Variants in CFAP54 observed in about 807,000 individuals in gnomAD.
The protein encoded by CFAP54 is cilia- and flagella-associated protein 54.
CFAP54 carries 290 observed loss-of-function variants against 370.4 expected under a neutral mutation model. The ratio of observed to expected loss-of-function variants is 0.78; its 90% CI spans 0.71 to 0.86. CFAP54 has a LOEUF of 0.86. Ranked by LOEUF, CFAP54 falls within the 40% of genes least tolerant of loss-of-function variation. The pLI, the probability that CFAP54 is intolerant of heterozygous loss-of-function variation, is 0.00. For missense variants in CFAP54, 3,399 were observed against 3,528.7 expected (o/e 0.96, Z 0.93); for synonymous variants, 1,206 against 1,236.5 (o/e 0.98, Z 0.52).
chr12:96,759,947 C>T (rs1181985965), intron 58 of CFAP54, among the ~76,000 whole-genome samples: 1 of 152,130 alleles, frequency 6.6e-6, no homozygotes, highest in African/African-American at 2.4e-5. Context: ...TAATTGATGC[C>T]TGTTGACATC....
At chr12:96,647,344 G>A (rs1485604895) in intron 33 of CFAP54, among the ~76,000 whole-genome samples, 1 of 150,906 alleles carries the variant, frequency 6.6e-6, no homozygotes, top group East Asian at 1.9e-4. Flanking sequence ...GTGGTGGTGG[G>A]CGCCTGTAGT....
At chr12:96,571,177 C>T (rs1490886365) in intron 19 of CFAP54, among the ~76,000 whole-genome samples, 1 of 152,174 alleles carries the variant, frequency 6.6e-6, no homozygotes, top group Non-Finnish European at 1.5e-5. Flanking sequence ...GGGCATCAAG[C>T]CTGTGTCAAA....
At chr12:96,734,069 T>G (rs1957954305) in intron 50 of CFAP54, among the ~76,000 whole-genome samples, 1 of 152,226 alleles carries the variant, frequency 6.6e-6, no homozygotes, top group Non-Finnish European at 1.5e-5. Flanking sequence ...GTTGTTATTT[T>G]CTTGGTTAGT....
chr12:96,687,525 G>T (rs1769518787), intron 42 of CFAP54, among the ~76,000 whole-genome samples: 1 of 152,158 alleles, frequency 6.6e-6, no homozygotes, highest in South Asian at 2.1e-4. Context: ...ACCTGTCGGA[G>T]GTGGTGAGCA....
intron 2 of CFAP54, 78 bp from the exon 3 acceptor site, chr12:96,503,808 G>C: frequency 8.3e-7 from 1 of 1,204,234 alleles, no homozygotes; most frequent in Non-Finnish European, 1.1e-6. Context: ...ATACTATTAG[G>C]AATAATATGA....
chr12:96,684,989 C>A, intron 41 of CFAP54, 40 bp from the exon 42 acceptor site: 1 of 1,587,654 alleles, frequency 6.3e-7, no homozygotes, highest in South Asian at 1.1e-5. Flanking sequence ...AATAATGGGT[C>A]TCAGAAAACT....
intron 17 of CFAP54, among the ~76,000 whole-genome samples, chr12:96,557,376 A>G (rs1035039764): frequency 1.3e-5 from 2 of 152,194 alleles, no homozygotes; most frequent in Admixed American, 1.3e-4. Flanking sequence ...TATGGCCAAT[A>G]TAATTATTTT....
intron 4 of CFAP54, among the ~76,000 whole-genome samples, chr12:96,512,494 C>T (rs962030299): frequency 1.3e-5 from 2 of 151,558 alleles, no homozygotes; most frequent in East Asian, 3.9e-4. Flanking sequence ...AGGTGCATGC[C>T]ACCACGCCCG....
At chr12:96,569,975 AT>A (rs1565899680) in intron 19 of CFAP54, among the ~76,000 whole-genome samples, 2 of 151,672 alleles carry the variant, frequency 1.3e-5, no homozygotes, top group Non-Finnish European at 2.9e-5. Context: ...TTAAAAATTT[AT>A]TTTTATTTTT....
intron 13 of CFAP54, among the ~76,000 whole-genome samples, 154 bp from the exon 14 acceptor site, chr12:96,540,683 A>C (rs1955560379): frequency 6.6e-6 from 1 of 152,240 alleles, no homozygotes; most frequent in Admixed American, 6.5e-5. Context: ...TATGTTATTT[A>C]TAATTAAGGC....
chr12:96,825,261 A>T (rs1275440880), intron 65 of CFAP54, among the ~76,000 whole-genome samples: 6 of 105,832 alleles, frequency 5.7e-5, no homozygotes, highest in South Asian at 3.6e-4. Context: ...TATATATTAT[A>T]TATAATATAA....
intron 57 of CFAP54, among the ~76,000 whole-genome samples, chr12:96,757,075 G>A (rs1265357715): frequency 6.6e-6 from 1 of 152,184 alleles, no homozygotes; most frequent in African/African-American, 2.4e-5. Flanking sequence ...CCAAATCACT[G>A]CTTTCTGCAT....
Position 96,650,048 on chromosome 12 carries a change from C to G in CFAP54, c.4848C>G (p.Ile1616Met). ...NLCVMDHFMK[I>M]FLYCRRAMVL... Reference sequence around the variant, plus strand: ...GTGTAATGGATCATTTTATGAAAATCTTTTTATACTGCAGGAGAGCAATGG... The same window carrying G: ...GTGTAATGGATCATTTTATGAAAATGTTTTTATACTGCAGGAGAGCAATGG... Residue 1616 changes from isoleucine to methionine, a missense_variant, in exon 35 of 68, where the codon ATC (isoleucine) becomes ATG (methionine). By Grantham distance (10) the Ile-to-Met change is conservative. Transcript: ENST00000524981. 2.5e-6 allele frequency: 4 copies of G among 1,612,036 alleles called. No homozygotes were observed. Among genetic ancestry groups the G allele is most frequent in the Non-Finnish European group, 3.4e-6 (4 of 1,179,378 alleles).
chr12:96,651,802 C>A lies in CFAP54; in HGVS notation c.5087C>A (p.Thr1696Asn). ...GACATGTTAATACAACTACAAAATACCAGTTCTATTAAGGTAAAGACACTT... is the reference window on the plus strand; with the variant it reads ...GACATGTTAATACAACTACAAAATAACAGTTCTATTAAGGTAAAGACACTT... ...LIDMLIQLQN[T>N]SSIKPIEDKG... The change falls in exon 36 of 68, where the codon ACC becomes AAC. Residue 1696 changes from threonine to asparagine, a missense_variant. Thr to Asn is a moderately conservative substitution (Grantham distance 65, BLOSUM62 0). Around this residue, in one of 3 missense-constraint regions of CFAP54, gnomAD observed 2,796 missense variants for 2,869.7 expected, o/e 0.97. Coordinates refer to ENST00000524981, the MANE Select transcript of CFAP54 (RefSeq NM_001306084.2). 4 of 1,582,892 alleles carry A rather than the reference C, an allele frequency of 2.5e-6. No individual in the cohort carries two copies. The highest frequency in any genetic ancestry group is 3.5e-6 in the Non-Finnish European group (4 of 1,152,236).
At chr12:96,539,845 G>A (rs760358091) in intron 13 of CFAP54, among the ~76,000 whole-genome samples, 50 of 152,090 alleles carry the variant, frequency 3.3e-4, no homozygotes, top group Non-Finnish European at 5.6e-4. Context: ...TTTATAGGAG[G>A]GAGAAGGGTG....
intron 42 of CFAP54, among the ~76,000 whole-genome samples, chr12:96,688,688 A>T (rs773088703): frequency 1.3e-5 from 2 of 152,206 alleles, no homozygotes; most frequent in Non-Finnish European, 2.9e-5. Flanking sequence ...CAGAAAAAGT[A>T]CATATAAGGA....
intron 58 of CFAP54, among the ~76,000 whole-genome samples, chr12:96,762,510 C>T (rs1257472071): frequency 6.6e-6 from 1 of 152,222 alleles, no homozygotes; most frequent in Non-Finnish European, 1.5e-5. Flanking sequence ...TCTTTGTCCA[C>T]TCCAAATTTT....
chr12:96,852,654 A>G (rs1959582194), intron 66 of CFAP54, among the ~76,000 whole-genome samples: 1 of 152,156 alleles, frequency 6.6e-6, no homozygotes, highest in Non-Finnish European at 1.5e-5. Flanking sequence ...AATCATAAAG[A>G]AAAGACTGAT....
intron 66 of CFAP54, among the ~76,000 whole-genome samples, chr12:96,845,136 A>G (rs1480401061): frequency 1.3e-5 from 2 of 152,178 alleles, no homozygotes; most frequent in African/African-American, 2.4e-5. Context: ...AAGGGTAATC[A>G]AGTAATAGAT....
Sources: allele counts gnomAD v4.1 joint callset (sites outside exome capture counted in the v4.1 genomes callset), GRCh38; gene constraint gnomAD v4.1.1; regional missense constraint gnomAD v4.1.1; transcripts MANE v1.5; gene names NCBI Gene and HGNC (gene_info 2026-07-23, HGNC 2026-07-21).